Variants in RILPL1 observed in about 807,000 individuals in gnomAD.
The protein encoded by RILPL1 is RILP-like protein 1.
RILPL1 carries 33 observed loss-of-function variants against 50.3 expected under a neutral mutation model. That is an observed-to-expected ratio of 0.66 (90% confidence interval 0.50 to 0.88). The LOEUF is 0.88. RILPL1 is among the 40% of genes least tolerant of loss of function. The probability of loss-of-function intolerance (pLI) is 0.00; values close to 1 mark genes in which losing one functional copy is unlikely to be tolerated. For synonymous variants in RILPL1, 205 were observed against 228.6 expected, an observed-to-expected ratio of 0.90 and a Z score of 0.93; for missense variants, 418 against 542.5, an observed-to-expected ratio of 0.77 and a Z score of 2.28.
chr12:123,472,627 G>T lies in RILPL1; in HGVS notation c.1123C>A (p.His375Asn). The change falls in exon 7 of 7, where the codon CAC becomes AAC. Residue 375 changes from histidine (H) to asparagine (N), a missense_variant. His to Asn is a moderately conservative substitution (Grantham distance 68). Coordinates refer to ENST00000376874, the MANE Select transcript of RILPL1 (RefSeq NM_178314.5). ...KRLANTQRNV[H>N]IQESFGQWAN... ...CACTGTCCAAAGGACTCCTGGATGT[G>T]CACGTTTCTCTGTGTGTTGGCCAGG... 1 of 1,592,190 alleles carries T rather than the reference G, an allele frequency of 6.3e-7. No homozygotes were observed. The highest frequency in any genetic ancestry group is 8.6e-7 in the Non-Finnish European group (1 of 1,169,256).
At chr12:123,504,696 T>C (rs1162809194) in intron 2 of RILPL1, among the ~76,000 whole-genome samples, 2 of 152,110 alleles carry the variant, frequency 1.3e-5, no homozygotes, top group African/African-American at 2.4e-5. Flanking sequence ...TCCCAACCAC[T>C]GGAAATGGGT....
At chr12:123,504,444 G>A (rs1169632988) in intron 2 of RILPL1, among the ~76,000 whole-genome samples, 1 of 152,200 alleles carries the variant, frequency 6.6e-6, no homozygotes, top group Non-Finnish European at 1.5e-5. Context: ...GACGATGCCA[G>A]TGCCACAAAG....
chr12:123,487,008 A>G (rs1203166696), intron 4 of RILPL1, among the ~76,000 whole-genome samples: 1 of 152,138 alleles, frequency 6.6e-6, no homozygotes, highest in Non-Finnish European at 1.5e-5. Context: ...CATGTTGGCC[A>G]GACTGGTCTT....
intron 4 of RILPL1, among the ~76,000 whole-genome samples, chr12:123,490,751 T>TTTC (rs1882639095): frequency 1.2e-5 from 1 of 81,700 alleles, no homozygotes; most frequent in African/African-American, 5.6e-5. Flanking sequence ...AAGTCCTGAC[T>TTTC]TTTTTTTTTT....
At chr12:123,510,789 T>A (rs1490335697) in intron 2 of RILPL1, among the ~76,000 whole-genome samples, 1,607 of 96,156 alleles carry the variant, frequency 0.017, no homozygotes, top group African/African-American at 0.072. Context: ...GTGTGGTATA[T>A]GTGTGTGATG....
At chr12:123,481,049 G>GT (rs1424025460) in intron 6 of RILPL1, among the ~76,000 whole-genome samples, 2 of 152,170 alleles carry the variant, frequency 1.3e-5, no homozygotes, top group Non-Finnish European at 1.5e-5. Context: ...CTGCACTGGA[G>GT]TTTCAGACAG....
At chr12:123,520,991 T>A (rs1884981657) in intron 2 of RILPL1, among the ~76,000 whole-genome samples, 1 of 152,186 alleles carries the variant, frequency 6.6e-6, no homozygotes, top group African/African-American at 2.4e-5. Flanking sequence ...GGGAGCTGAT[T>A]TCAGCTGATC....
chr12:123,523,383 G>A, intron 2 of RILPL1, 112 bp downstream of exon 2: 1 of 1,258,370 alleles, frequency 7.9e-7, no homozygotes. Flanking sequence ...AAAGGGCTTT[G>A]GGAATCAGCC....
chr12:123,523,746 C>T (rs957484456), intron 1 of RILPL1, 101 bp from the exon 2 acceptor site: 118 of 1,358,182 alleles, frequency 8.7e-5, no homozygotes, highest in Middle Eastern at 2.5e-4. Flanking sequence ...GGACTTTGGG[C>T]CATCCCCTTC....
intron 4 of RILPL1, among the ~76,000 whole-genome samples, chr12:123,495,520 G>T (rs1882970712): frequency 6.7e-6 from 1 of 150,232 alleles, no homozygotes; most frequent in African/African-American, 2.5e-5. Context: ...GACTACAGGT[G>T]TCCACCACCA....
At chr12:123,507,753 CCAA>C (rs963085506) in intron 2 of RILPL1, among the ~76,000 whole-genome samples, 1 of 151,106 alleles carries the variant, frequency 6.6e-6, no homozygotes, top group Non-Finnish European at 1.5e-5. Context: ...ACCAACCTGA[CCAA>C]CATGGAGAAA....
At chr12:123,515,772 C>A (rs552208187) in intron 2 of RILPL1, among the ~76,000 whole-genome samples, 24 of 150,830 alleles carry the variant, frequency 1.6e-4, no homozygotes, top group Middle Eastern at 3.4e-3. Flanking sequence ...TGGTGGCTCA[C>A]GCCTGTAATC....
chr12:123,484,400 C>T (rs2139316975), intron 5 of RILPL1, 128 bp from the exon 6 acceptor site: 1 of 718,244 alleles, frequency 1.4e-6, no homozygotes, highest in East Asian at 2.7e-5. Flanking sequence ...TCTGTATTTC[C>T]AGTTTATTCT....
chr12:123,518,101 G>A (rs116862048), intron 2 of RILPL1, among the ~76,000 whole-genome samples: 2 of 152,238 alleles, frequency 1.3e-5, no homozygotes, highest in East Asian at 3.9e-4. Context: ...GTGTTTAATG[G>A]GGACAGTGTT....
chr12:123,492,156 G>A (rs945200342), intron 4 of RILPL1, among the ~76,000 whole-genome samples: 3 of 151,760 alleles, frequency 2.0e-5, no homozygotes, highest in African/African-American at 7.3e-5. Context: ...AACCCGGGAG[G>A]TGGAGGTTGC....
At chr12:123,513,436 G>T (rs1884507554) in intron 2 of RILPL1, 3 of 281,100 alleles carry the variant, frequency 1.1e-5, no homozygotes, top group Non-Finnish European at 2.3e-5. Flanking sequence ...GGGGCGGCTG[G>T]GTCTATGTGG....
intron 6 of RILPL1, among the ~76,000 whole-genome samples, chr12:123,483,908 C>T (rs920977132): frequency 6.6e-6 from 1 of 152,154 alleles, no homozygotes; most frequent in Non-Finnish European, 1.5e-5. Flanking sequence ...CCATGAAACA[C>T]ACTCCAGCAA....
chr12:123,500,729 T>A (rs758800665), intron 2 of RILPL1, among the ~76,000 whole-genome samples: 38 of 152,134 alleles, frequency 2.5e-4, no homozygotes, highest in Non-Finnish European at 3.8e-4. Context: ...TAAAGTAGGG[T>A]GATAACAGTC....
chr12:123,523,666 C>G, intron 1 of RILPL1, 21 bp from the exon 2 acceptor site: 1 of 1,609,684 alleles, frequency 6.2e-7, no homozygotes, highest in Non-Finnish European at 8.5e-7. Context: ...AAGGGGACAG[C>G]ATGGGGTCAC....
Sources: allele counts gnomAD v4.1 joint callset (sites outside exome capture counted in the v4.1 genomes callset), GRCh38; gene constraint gnomAD v4.1.1; transcripts MANE v1.5; gene names NCBI Gene and HGNC (gene_info 2026-07-23, HGNC 2026-07-21).